Variants in OGDH observed in about 807,000 individuals in gnomAD.
OGDH encodes oxoglutarate dehydrogenase.
A neutral mutation model predicts 116.6 loss-of-function variants in OGDH; 38 were observed. That is an observed-to-expected ratio of 0.33 (90% CI 0.25 to 0.43). The LOEUF is 0.43. OGDH is among the 20% of genes least tolerant of loss of function. OGDH has a pLI of 1.00. For missense variants in OGDH, 825 were observed against 1,357.2 expected, an observed-to-expected ratio of 0.61 and a Z score of 6.16; for synonymous variants, 488 against 533.3, an observed-to-expected ratio of 0.92 and a Z score of 1.17.
intron 10 of OGDH, among the ~76,000 whole-genome samples, chr7:44,689,144 A>G (rs1324706270): frequency 2.0e-5 from 3 of 151,184 alleles, no homozygotes; most frequent in Non-Finnish European, 4.4e-5. Flanking sequence ...TTTTGTGGAA[A>G]TCTCAGACTG....
chr7:44,676,053 G>A lies in OGDH; in HGVS notation c.1110G>A (p.Leu370=), dbSNP rs1291797639. 1 of 1,613,938 alleles carries A rather than the reference G, an allele frequency of 6.2e-7. No homozygotes were observed. The highest frequency in any genetic ancestry group is 8.5e-7 in the Non-Finnish European group (1 of 1,180,024). Residue 370 remains leucine (L), a synonymous_variant, in exon 9 of 23, where the codon TTG becomes TTA. Transcript: ENST00000222673. ...CCGACAGGAACATTACCTTGTCCTT[G>A]GTGGCCAACCCTTCCCACCTTGAGG... ...RVTDRNITLS[L]VANPSHLEAA...
chr7:44,657,592 T>C (rs981445132), intron 4 of OGDH, among the ~76,000 whole-genome samples: 1 of 152,172 alleles, frequency 6.6e-6, no homozygotes, highest in African/African-American at 2.4e-5. Flanking sequence ...TTTTTCCCCC[T>C]CGTTTCCTAC....
At chr7:44,623,959 A>G (rs140400498) in intron 1 of OGDH, among the ~76,000 whole-genome samples, 150 of 152,130 alleles carry the variant, frequency 9.9e-4, no homozygotes, top group African/African-American at 3.5e-3. Flanking sequence ...TTAAATTTTT[A>G]AGTGAAGATG....
Position 44,623,999 on chromosome 7 carries a change from C to T in OGDH, c.-27-318C>T, listed in dbSNP as rs191982581. Reference sequence around the variant, plus strand: ...TATCTGCAACTGTGCACTCACCTTCCTTGGGCTCGCACAGGCATCCTGTGT... The same window carrying T: ...TATCTGCAACTGTGCACTCACCTTCTTTGGGCTCGCACAGGCATCCTGTGT... On this transcript the variant is annotated intron_variant, in intron 1 of 22. Coordinates refer to ENST00000222673, the MANE Select transcript of OGDH (RefSeq NM_002541.4). 3.3e-5 allele frequency among the ~76,000 whole-genome samples: 5 copies of T among 152,134 alleles called. 1 individual carries two copies. Among genetic ancestry groups the T allele is most frequent in the African/African-American group, 1.2e-4 (5 of 41,490 alleles).
intron 1 of OGDH, among the ~76,000 whole-genome samples, chr7:44,621,448 C>T (rs1047539855): frequency 2.6e-5 from 4 of 152,122 alleles, no homozygotes; most frequent in Admixed American, 1.3e-4. Context: ...TAGAAATGTG[C>T]GTTAGTGTTG....
At chr7:44,701,318 C>T (rs1400562983) in intron 19 of OGDH, among the ~76,000 whole-genome samples, 1 of 152,086 alleles carries the variant, frequency 6.6e-6, no homozygotes, top group Non-Finnish European at 1.5e-5. Context: ...CTGGGATGGG[C>T]CCTGCCAGGA....
rs1032379191 is a variant in OGDH, at chr7:44,697,162, A to C, written c.2051+98A>C. 8.3e-5 allele frequency: 126 copies of C among 1,520,202 alleles called. 1 individual carries two copies. In the Admixed American group the frequency reaches 2.3e-3, roughly 28 times the overall value. 94.2% of individuals were successfully genotyped at this position (1,520,202 alleles called of 1,614,324 possible). ...TTCCGGAAGACGGTTAGAAACCGGA[A>C]GAGTCACATTGCTCTCAGGCTGAAA... is the stretch of plus-strand genomic sequence containing the variant. On this transcript the variant is annotated intron_variant, in intron 15 of 22. Coordinates refer to ENST00000222673, the MANE Select transcript of OGDH (RefSeq NM_002541.4). The surrounding 1 kb of genome is among the most constrained non-coding windows in gnomAD (Gnocchi z 6.0).
At chr7:44,701,043 G>A (rs966723893) in intron 19 of OGDH, among the ~76,000 whole-genome samples, 9 of 152,164 alleles carry the variant, frequency 5.9e-5, no homozygotes, top group Admixed American at 4.6e-4. Context: ...AAAAAAGGAA[G>A]GAGTGTGGGG....
At chr7:44,653,464 A>G (rs1196822133) in intron 4 of OGDH, among the ~76,000 whole-genome samples, 2 of 152,098 alleles carry the variant, frequency 1.3e-5, no homozygotes, top group Non-Finnish European at 2.9e-5. Context: ...TGGTTTCGGT[A>G]TAAATTCTGA....
At chr7:44,622,503 G>C (rs1023016874) in intron 1 of OGDH, among the ~76,000 whole-genome samples, 1 of 152,146 alleles carries the variant, frequency 6.6e-6, no homozygotes, top group African/African-American at 2.4e-5. Flanking sequence ...TACTTTTGCT[G>C]ACCTATCTCT....
Position 44,707,654 on chromosome 7 carries a change from C to G in OGDH, c.2869C>G (p.Gln957Glu). 6.2e-7 allele frequency: 1 copy of G among 1,614,194 alleles called. No homozygotes were observed. The highest frequency in any genetic ancestry group is 8.5e-7 in the Non-Finnish European group (1 of 1,180,036). ...KYPNAELAWC[Q>E]EEHKNQGYYD... Reference sequence around the variant, plus strand: ...CCCCAATGCTGAGCTGGCCTGGTGCCAGGAGGAGCACAAGAACCAAGGCTA... The same window carrying G: ...CCCCAATGCTGAGCTGGCCTGGTGCGAGGAGGAGCACAAGAACCAAGGCTA... Residue 957 changes from glutamine (Q) to glutamate (E), a missense_variant, in exon 22 of 23, where the codon CAG becomes GAG. By Grantham distance (29) the Gln-to-Glu change is conservative. Around this residue, in one of 7 missense-constraint regions of OGDH, gnomAD observed 212 missense variants for 284.3 expected, o/e 0.75. Transcript: ENST00000222673. The surrounding 1 kb of genome is among the most constrained non-coding windows in gnomAD (Gnocchi z 5.2).
chr7:44,692,824 C>G (rs1055791484), intron 10 of OGDH, among the ~76,000 whole-genome samples: 1 of 150,220 alleles, frequency 6.7e-6, no homozygotes, highest in Non-Finnish European at 1.5e-5. Context: ...CACTTGAGCC[C>G]CAAAGTTCAA....
At chr7:44,651,084 G>A (rs1786421195) in intron 4 of OGDH, among the ~76,000 whole-genome samples, 1 of 152,348 alleles carries the variant, frequency 6.6e-6, no homozygotes, top group Non-Finnish European at 1.5e-5. Context: ...CAGTGATGGA[G>A]GGCAGGAGCC....
chr7:44,627,208 G>T (rs569067569), intron 2 of OGDH, among the ~76,000 whole-genome samples: 287 of 152,296 alleles, frequency 1.9e-3, no homozygotes, highest in Non-Finnish European at 3.0e-3. Context: ...TGTTAGTCGG[G>T]CTGGTCTTGA....
Position 44,694,266 on chromosome 7 carries a change from T to A in OGDH, c.1516-158T>A, listed in dbSNP as rs141244468. 1.5e-4 allele frequency among the ~76,000 whole-genome samples: 23 copies of A among 152,118 alleles called. No homozygotes were observed. The highest frequency in any genetic ancestry group is 5.5e-4 in the African/African-American group (23 of 41,518). On this transcript the variant is annotated intron_variant, in intron 11 of 22. Transcript: ENST00000222673. The surrounding 1 kb of genome is among the most constrained non-coding windows in gnomAD (Gnocchi z 4.2). ...GCAGCTCTACTGTGTGAAGGAGAGA[T>A]ACACAGAATCCTAATTCTAGAGAAG... is the stretch of plus-strand genomic sequence containing the variant.
chr7:44,628,180 A>G (rs74438045), intron 2 of OGDH, among the ~76,000 whole-genome samples: 2 of 152,190 alleles, frequency 1.3e-5, no homozygotes, highest in Admixed American at 6.5e-5. Context: ...ATTTTAAGGC[A>G]AATTCCAGAC....
intron 4 of OGDH, among the ~76,000 whole-genome samples, chr7:44,663,790 A>G (rs1442879833): frequency 6.6e-6 from 1 of 152,106 alleles, no homozygotes; most frequent in Middle Eastern, 3.4e-3. Context: ...AATTACAAAA[A>G]CTAGCTGGAC....
At position 44,706,624 on chromosome 7, in the gene OGDH, A is replaced by ATTTTTTTTTTTT. The variant is rs60453820; in HGVS notation, c.2633-597_2633-586dup. Reference sequence around the variant, plus strand: ...GGCGTGAGCCATGCGCCCGGCTGGTATTTTTTTTTTTTTTTGTCTGGAGAT... The same window carrying ATTTTTTTTTTTT: ...GGCGTGAGCCATGCGCCCGGCTGGTATTTTTTTTTTTTTTTTTTTTTTTTTTTGTCTGGAGAT... On this transcript the variant is annotated intron_variant, in intron 20 of 22. Coordinates refer to ENST00000222673, the MANE Select transcript of OGDH (RefSeq NM_002541.4). Among the ~76,000 whole-genome samples the ATTTTTTTTTTTT allele has an allele frequency of 6.5e-5, 8 of 123,250 alleles. 1 individual carries two copies. The highest frequency in any genetic ancestry group is 1.9e-4 in the African/African-American group (6 of 31,026). The allele number at this position is 123,250 out of a possible 152,430, so 80.9% of individuals were successfully genotyped here.
chr7:44,676,273 C>T (rs1455427175), intron 9 of OGDH, 124 bp downstream of exon 9: 13 of 1,547,434 alleles, frequency 8.4e-6, no homozygotes, highest in African/African-American at 4.1e-5. Context: ...TATTTAAAGT[C>T]GGCCGGGCGC....
Sources: gnomAD v4.1 joint callset for allele counts (sites outside exome capture counted in the v4.1 genomes callset) on GRCh38, gnomAD v4.1.1 for gene constraint, gnomAD v4.1.1 regional missense constraint, Gnocchi (gnomAD v3.1) non-coding constraint, MANE v1.5 for transcripts, NCBI Gene and HGNC (gene_info 2026-07-23, HGNC 2026-07-21) for gene names.